Variants in LRRC72 observed in about 807,000 individuals in gnomAD.
The protein encoded by LRRC72 is leucine rich repeat containing 72, also known as leucine-rich repeat-containing protein 72.
LRRC72 carries 41 observed loss-of-function variants against 35.8 expected under a neutral mutation model. That is an observed-to-expected ratio of 1.15 (90% CI 0.89 to 1.49). The LOEUF is 1.49. Ranked by LOEUF, LRRC72 falls within the 40% of genes most tolerant of loss-of-function variation. LRRC72 has a pLI of 0.00. For missense variants in LRRC72, 389 were observed against 330.7 expected (o/e 1.18, Z -1.37); for synonymous variants, 118 against 119.2 (o/e 0.99, Z 0.07).
At chr7:16,574,965 C>G (rs1237502123) in intron 7 of LRRC72, among the ~76,000 whole-genome samples, 1 of 151,934 alleles carries the variant, frequency 6.6e-6, no homozygotes, top group East Asian at 1.9e-4. Flanking sequence ...AAAACACAAA[C>G]TTAGCCAGGC....
chr7:16,573,939 A>G (rs779561143), intron 7 of LRRC72, among the ~76,000 whole-genome samples: 1 of 152,242 alleles, frequency 6.6e-6, no homozygotes, highest in African/African-American at 2.4e-5. Context: ...TCTACAAGGA[A>G]CTGAAACAAA....
intron 7 of LRRC72, among the ~76,000 whole-genome samples, chr7:16,577,659 A>T (rs548692480): frequency 6.6e-6 from 1 of 152,338 alleles, no homozygotes; most frequent in South Asian, 2.1e-4. Flanking sequence ...TCTTTATAAC[A>T]TATATAATAG....
chr7:16,549,249 T>C (rs1031289295), intron 3 of LRRC72, among the ~76,000 whole-genome samples: 1 of 152,228 alleles, frequency 6.6e-6, no homozygotes, highest in Non-Finnish European at 1.5e-5. Context: ...GCTAAGAATA[T>C]TTCTTTGCAT....
chr7:16,578,753 G>C (rs1405596147), intron 7 of LRRC72, among the ~76,000 whole-genome samples: 1 of 152,102 alleles, frequency 6.6e-6, no homozygotes, highest in Non-Finnish European at 1.5e-5. Flanking sequence ...TGTAAGTAAA[G>C]TATGCGCTTT....
At chr7:16,570,051 A>C (rs1174753560) in intron 7 of LRRC72, among the ~76,000 whole-genome samples, 1 of 152,076 alleles carries the variant, frequency 6.6e-6, no homozygotes, top group Non-Finnish European at 1.5e-5. Flanking sequence ...GAAAAAAAAA[A>C]AAGAATTCAC....
Position 16,558,918 on chromosome 7 carries a change from C to T in LRRC72, c.346C>T (p.Leu116Phe). The T allele has an allele frequency of 6.6e-7, 1 of 1,523,320 alleles. No individual in the cohort carries two copies. The highest frequency in any genetic ancestry group is 8.8e-7 in the Non-Finnish European group (1 of 1,130,732). The allele number at this position is 1,523,320 out of a possible 1,614,324, so 94.4% of individuals were successfully genotyped here. A position where few individuals can be genotyped will look rare whatever the true frequency, so the allele number is the denominator to read the frequency against. Residue 116 changes from leucine to phenylalanine, a missense_variant, in exon 5 of 9, where the codon CTC becomes TTC. Leu to Phe is a conservative substitution (Grantham distance 22). Coordinates refer to ENST00000401542, the MANE Select transcript of LRRC72 (RefSeq NM_001195280.2). The part of the protein sequence containing the change: ...GLHYLPSLHI[L>F]LLHHNELTNI... ...GCATTATTTGCCTTCATTGCATATA[C>T]TCCTGCTACACCACAATGAGCTAAC...
chr7:16,570,854 A>G (rs531256888), intron 7 of LRRC72, among the ~76,000 whole-genome samples: 44 of 152,198 alleles, frequency 2.9e-4, no homozygotes, highest in Non-Finnish European at 5.4e-4. Context: ...CATTTTCTCA[A>G]TTGTTCCAAA....
intron 5 of LRRC72, among the ~76,000 whole-genome samples, chr7:16,560,855 A>C (rs1309092391): frequency 6.6e-6 from 1 of 152,210 alleles, no homozygotes; most frequent in Non-Finnish European, 1.5e-5. Context: ...CAATAAAACG[A>C]TATTTTAAAT....
At chr7:16,564,746 T>C in intron 5 of LRRC72, among the ~76,000 whole-genome samples, 1 of 152,156 alleles carries the variant, frequency 6.6e-6, no homozygotes, top group Non-Finnish European at 1.5e-5. Flanking sequence ...CCAGAAAAAG[T>C]TGTGTTTATA....
Position 16,567,484 on chromosome 7 carries a change from A to G in LRRC72, c.611A>G (p.Asp204Gly). 1 of 1,531,584 alleles carries G rather than the reference A, an allele frequency of 6.5e-7. No homozygotes were observed. Among genetic ancestry groups the G allele is most frequent in the South Asian group, 1.2e-5 (1 of 80,500 alleles). The allele number at this position is 1,531,584 out of a possible 1,614,324, so 94.9% of individuals were successfully genotyped here. ...TCAATAGCATTCGGAGGAAAAGTGG[A>G]TGCTTCATGGGATCCTAAATCACCA... ...VQSIAFGGKV[D>G]ASWDPKSPFK... The change falls in exon 7 of 9, where the codon GAT (aspartate) becomes GGT (glycine). Residue 204 changes from aspartate to glycine, a missense_variant. Physicochemically the swap from Asp to Gly is moderately conservative, Grantham distance 94 (BLOSUM62 -1). Transcript: ENST00000401542.
chr7:16,567,324 G>C (rs953483547), intron 6 of LRRC72, 67 bp from the exon 7 acceptor site: 41 of 1,113,718 alleles, frequency 3.7e-5, no homozygotes, highest in Non-Finnish European at 5.0e-5. Context: ...AAAGTGTTCA[G>C]TTCTATTTTG....
intron 3 of LRRC72, among the ~76,000 whole-genome samples, chr7:16,539,007 G>T (rs1379579611): frequency 4.6e-5 from 7 of 152,330 alleles, no homozygotes; most frequent in South Asian, 2.1e-4. Flanking sequence ...GGCAGAGTGG[G>T]ATACTGCTAC....
At chr7:16,545,532 C>T (rs982362938) in intron 3 of LRRC72, among the ~76,000 whole-genome samples, 1 of 152,044 alleles carries the variant, frequency 6.6e-6, no homozygotes, top group African/African-American at 2.4e-5. Context: ...TTCATTTATA[C>T]ATACAATACC....
intron 1 of LRRC72, among the ~76,000 whole-genome samples, chr7:16,528,502 C>T (rs1323493528): frequency 6.6e-6 from 1 of 152,106 alleles, no homozygotes; most frequent in South Asian, 2.1e-4. Context: ...CTGTGACTTC[C>T]CTCGTGCTAA....
chr7:16,573,513 A>G (rs753338748), intron 7 of LRRC72, among the ~76,000 whole-genome samples: 1 of 152,334 alleles, frequency 6.6e-6, no homozygotes, highest in South Asian at 2.1e-4. Context: ...ATCTACAACC[A>G]TCTGATCTTT....
chr7:16,566,816 T>G (rs1782852108), intron 6 of LRRC72, among the ~76,000 whole-genome samples: 1 of 152,144 alleles, frequency 6.6e-6, no homozygotes, highest in Admixed American at 6.5e-5. Flanking sequence ...ATATATATAT[T>G]GAAACATACA....
intron 1 of LRRC72, among the ~76,000 whole-genome samples, chr7:16,530,961 C>A (rs1166674328): frequency 6.6e-6 from 1 of 152,000 alleles, no homozygotes; most frequent in African/African-American, 2.4e-5. Context: ...CTTTGGGAGG[C>A]CAGGGCAGGC....
chr7:16,559,204 A>G (rs919929317), intron 5 of LRRC72, among the ~76,000 whole-genome samples: 38 of 152,114 alleles, frequency 2.5e-4, no homozygotes, highest in Admixed American at 2.0e-4. Flanking sequence ...CACCAGCCTG[A>G]GCAACATGGC....
At chr7:16,547,618 C>G (rs1782471175) in intron 3 of LRRC72, among the ~76,000 whole-genome samples, 1 of 152,242 alleles carries the variant, frequency 6.6e-6, no homozygotes, top group African/African-American at 2.4e-5. Flanking sequence ...GCTGTCAGCA[C>G]CCACTCCAAT....
Sources: gnomAD v4.1 joint callset for allele counts (sites outside exome capture counted in the v4.1 genomes callset) on GRCh38, gnomAD v4.1.1 for gene constraint, MANE v1.5 for transcripts, NCBI Gene and HGNC (gene_info 2026-07-23, HGNC 2026-07-21) for gene names.